The following AGMO variants were observed in gnomAD, a reference collection of about 807,000 sequenced individuals.
AGMO encodes the protein alkylglycerol monooxygenase.
A neutral mutation model predicts 60.2 loss-of-function variants in AGMO; 75 were observed. The observed-to-expected ratio is 1.25, with a 90% CI of 1.03 to 1.51. The LOEUF (loss-of-function observed/expected upper bound fraction) is 1.51. Among genes scored for constraint, AGMO ranks in the 40% most tolerant of loss-of-function variants. The pLI, the probability that AGMO is intolerant of heterozygous loss-of-function variation, is 0.00. For synonymous variants in AGMO, 261 were observed against 177.1 expected (o/e 1.47, Z -3.76); for missense variants, 763 against 525.5 (o/e 1.45, Z -4.42).
chr7:15,419,907 T>C (rs1045233501), intron 4 of AGMO, among the ~76,000 whole-genome samples: 1 of 152,054 alleles, frequency 6.6e-6, no homozygotes, highest in Admixed American at 6.6e-5. Context: ...TCTGTGATAC[T>C]ATGATTTGAT....
chr7:15,512,805 G>A (rs1401313823), intron 3 of AGMO, among the ~76,000 whole-genome samples: 7 of 151,896 alleles, frequency 4.6e-5, no homozygotes, highest in Admixed American at 1.3e-4. Context: ...ACATGAAACC[G>A]CACTTTATTC....
At chr7:15,541,669 G>T (rs747750641) in intron 3 of AGMO, among the ~76,000 whole-genome samples, 1 of 151,886 alleles carries the variant, frequency 6.6e-6, no homozygotes, top group African/African-American at 2.4e-5. Flanking sequence ...GAATTCAAAT[G>T]TTGAGAATAA....
chr7:15,167,405 C>T, the AGMO span, among the ~76,000 whole-genome samples: 1 of 152,028 alleles, frequency 6.6e-6, no homozygotes, highest in Non-Finnish European at 1.5e-5. Flanking sequence ...GACTTATATT[C>T]AATAATAATA....
intron 12 of AGMO, among the ~76,000 whole-genome samples, chr7:15,205,909 T>G (rs188393881): frequency 6.6e-6 from 1 of 152,280 alleles, no homozygotes; most frequent in Non-Finnish European, 1.5e-5. Flanking sequence ...ACCAGTTAAC[T>G]ATTTAATAGA....
intron 3 of AGMO, among the ~76,000 whole-genome samples, chr7:15,531,110 ATATATTCTATATATATTCTG>A (rs1784319532): frequency 2.8e-5 from 1 of 36,018 alleles, no homozygotes; most frequent in Non-Finnish European, 4.8e-5. Flanking sequence ...TATATTCTAT[ATATATTCTATATATATTCTG>A]TATATATTCT....
At chr7:15,499,956 T>A (rs1040725106) in intron 3 of AGMO, among the ~76,000 whole-genome samples, 5 of 147,688 alleles carry the variant, frequency 3.4e-5, no homozygotes, top group East Asian at 2.0e-4. Flanking sequence ...ATATATATAT[T>A]TTTCCAGAAA....
intron 3 of AGMO, among the ~76,000 whole-genome samples, chr7:15,531,573 C>CTCTATATATTCTATATATATATTCT (rs1491119803): frequency 2.5e-5 from 1 of 39,406 alleles, no homozygotes; most frequent in Non-Finnish European, 4.4e-5. Context: ...CTATATATTC[C>CTCTATATATTCTATATATATATTCT]ATATATATAT....
chr7:15,356,793 T>C (rs1782547902), intron 12 of AGMO, among the ~76,000 whole-genome samples: 1 of 151,840 alleles, frequency 6.6e-6, no homozygotes, highest in Non-Finnish European at 1.5e-5. Context: ...TACTTATAAA[T>C]GCAAACTTTG....
intron 12 of AGMO, among the ~76,000 whole-genome samples, chr7:15,221,667 G>A (rs2128497033): frequency 6.6e-6 from 1 of 152,180 alleles, no homozygotes; most frequent in South Asian, 2.1e-4. Flanking sequence ...GAGAAAATGA[G>A]CATATGGAAG....
At chr7:15,143,815 G>C in the AGMO span, among the ~76,000 whole-genome samples, 1 of 151,680 alleles carries the variant, frequency 6.6e-6, no homozygotes, top group African/African-American at 2.4e-5. Context: ...GTGAGATTTT[G>C]AGAATAGCTT....
the AGMO span, among the ~76,000 whole-genome samples, chr7:15,179,565 C>T: frequency 3.9e-5 from 6 of 152,254 alleles, no homozygotes; most frequent in East Asian, 1.2e-3. Flanking sequence ...TCAGGCAGCC[C>T]TACCCCTTTA....
intron 12 of AGMO, among the ~76,000 whole-genome samples, chr7:15,316,444 T>C (rs890023424): frequency 1.3e-5 from 2 of 152,242 alleles, no homozygotes; most frequent in East Asian, 3.9e-4. Flanking sequence ...AAGTACTCAT[T>C]GAGTCTGAAA....
rs531501771 is a variant in AGMO, at chr7:15,225,501, T to C, written c.1264-24142A>G. Among the ~76,000 whole-genome samples, 32 of 152,070 alleles carry C rather than the reference T, an allele frequency of 2.1e-4. No homozygotes were observed. The East Asian group carries it at 3.5e-3, about 17-fold the overall frequency. On this transcript the variant is annotated intron_variant, in intron 12 of 12. Coordinates refer to ENST00000342526, the MANE Select transcript of AGMO (RefSeq NM_001004320.2). ...CATGATTATAAAATTGTGTGAAAAT[T>C]TACCATCCTACCAGAAGTATAAATG...
Position 15,412,665 on chromosome 7 carries a change from C to A in AGMO, c.609+5893G>T, listed in dbSNP as rs553253738. ...CCACGTGAGAGGGGCTTTGTAAACA[C>A]CTCCAGCATTTCATTATTTAAAAAA... is the stretch of plus-strand genomic sequence containing the variant. On this transcript the variant is annotated intron_variant, in intron 5 of 12. Coordinates refer to ENST00000342526, the MANE Select transcript of AGMO (RefSeq NM_001004320.2). Among the ~76,000 whole-genome samples the A allele has an allele frequency of 1.5e-4, 22 of 147,398 alleles. 1 individual carries two copies. In the South Asian group the frequency reaches 4.7e-3, roughly 32 times the overall value.
intron 12 of AGMO, among the ~76,000 whole-genome samples, chr7:15,322,967 G>T (rs1486188935): frequency 1.7e-5 from 1 of 59,252 alleles, no homozygotes; most frequent in Non-Finnish European, 3.0e-5. Flanking sequence ...ACACGTGTGT[G>T]TATATATATA....
chr7:15,276,778 A>G (rs1239422913), intron 12 of AGMO, among the ~76,000 whole-genome samples: 1 of 151,678 alleles, frequency 6.6e-6, no homozygotes, highest in East Asian at 1.9e-4. Context: ...AATTTGAAAG[A>G]CTAGTTTTCA....
chr7:15,356,478 G>T (rs1782533570), intron 12 of AGMO, among the ~76,000 whole-genome samples: 1 of 151,914 alleles, frequency 6.6e-6, no homozygotes, highest in African/African-American at 2.4e-5. Flanking sequence ...CCATTTTATT[G>T]TACTCACAAA....
chr7:15,353,630 CT>C (rs762893103), intron 12 of AGMO, among the ~76,000 whole-genome samples: 18 of 152,100 alleles, frequency 1.2e-4, no homozygotes, highest in Admixed American at 2.6e-4. Context: ...CCGAAAACAC[CT>C]ATGTTCTGAT....
intron 12 of AGMO, among the ~76,000 whole-genome samples, chr7:15,222,850 G>A (rs929585197): frequency 6.6e-6 from 1 of 151,778 alleles, no homozygotes; most frequent in Non-Finnish European, 1.5e-5. Context: ...CATTTCTTAA[G>A]AACAAGGATT....
Sources: gnomAD v4.1 joint callset for allele counts (sites outside exome capture counted in the v4.1 genomes callset) on GRCh38, gnomAD v4.1.1 for gene constraint, MANE v1.5 for transcripts, NCBI Gene and HGNC (gene_info 2026-07-23, HGNC 2026-07-21) for gene names.